Variants in ALMS1 observed in about 807,000 individuals in gnomAD.
ALMS1 encodes ALMS1 centrosome and basal body associated protein.
A neutral mutation model predicts 352.2 loss-of-function variants in ALMS1; 271 were observed. The observed-to-expected ratio is 0.77, with a 90% CI of 0.70 to 0.85. The LOEUF is 0.85. Among genes scored for constraint, ALMS1 ranks in the 40% least tolerant of loss-of-function variants. The probability of loss-of-function intolerance (pLI) is 0.00; values close to 1 mark genes in which losing one functional copy is unlikely to be tolerated. For synonymous variants in ALMS1, 1,865 were observed against 1,761.2 expected, an observed-to-expected ratio of 1.06 and a Z score of -1.48; for missense variants, 5,445 against 4,870.7, an observed-to-expected ratio of 1.12 and a Z score of -3.51.
At chr2:73,391,970 A>G (rs1670655602) in intron 1 of ALMS1, among the ~76,000 whole-genome samples, 1 of 152,108 alleles carries the variant, frequency 6.6e-6, no homozygotes, top group Non-Finnish European at 1.5e-5. Flanking sequence ...CTAGGAAATC[A>G]TTCTTTTCAG....
intron 12 of ALMS1, among the ~76,000 whole-genome samples, chr2:73,539,954 A>C (rs1160287163): frequency 1.3e-5 from 2 of 152,236 alleles, no homozygotes; most frequent in Non-Finnish European, 2.9e-5. Flanking sequence ...TCTGCAGGAT[A>C]TTATCCAGGA....
intron 1 of ALMS1, among the ~76,000 whole-genome samples, chr2:73,395,006 A>ATATATATGTG (rs1419841116): frequency 1.4e-5 from 2 of 145,218 alleles, no homozygotes; most frequent in African/African-American, 5.1e-5. Flanking sequence ...ATATATGTGT[A>ATATATATGTG]TATATATGTG....
intron 1 of ALMS1, among the ~76,000 whole-genome samples, chr2:73,398,061 C>T (rs1337441526): frequency 3.3e-5 from 5 of 152,198 alleles, no homozygotes; most frequent in Admixed American, 1.3e-4. Context: ...AACCCAAGGA[C>T]ATCTAGATTT....
At chr2:73,428,477 T>C (rs1671438628) in intron 6 of ALMS1, among the ~76,000 whole-genome samples, 1 of 152,190 alleles carries the variant, frequency 6.6e-6, no homozygotes, top group African/African-American at 2.4e-5. Context: ...TTGAGTTCAA[T>C]AACAATGAGA....
intron 11 of ALMS1, among the ~76,000 whole-genome samples, chr2:73,530,931 C>A (rs1214546814): frequency 1.3e-5 from 2 of 152,238 alleles, no homozygotes; most frequent in African/African-American, 4.8e-5. Context: ...GCACCAAGTC[C>A]CAAGGCTGTA....
chr2:73,449,206 A>G lies in ALMS1; in HGVS notation c.2679A>G (p.Pro893=), dbSNP rs17848881. 4 of 1,614,144 alleles carry G rather than the reference A, an allele frequency of 2.5e-6. No individual in the cohort carries two copies. The East Asian group carries it at 8.9e-5, about 36-fold the overall frequency. ...TGAAAGTATCAATTGTTCCTGGACC[A>G]GGTGATCAGAAGACTGGGATACCCT... ...EALKVSIVPG[P]GDQKTGIPSA... The change falls in exon 8 of 23, where the codon CCA becomes CCG. Residue 893 remains proline, a synonymous_variant. Transcript: ENST00000613296.
rs1275131068 is a variant in ALMS1 at position 73,451,057 on chromosome 2, C to T, written c.4530C>T (p.Gly1510=). Residue 1510 remains glycine, a synonymous_variant, in exon 8 of 23, where the codon GGC becomes GGT. Coordinates refer to ENST00000613296, the MANE Select transcript of ALMS1 (RefSeq NM_001378454.1). The part of the protein sequence containing the change: ...LKVSVAPGPV[G]QTTGAPTITS... ...TTTCAGTTGCTCCTGGACCAGTTGG[C>T]CAGACAACTGGCGCACCAACTATAA... 1.2e-6 allele frequency: 2 copies of T among 1,613,272 alleles called. No homozygotes were observed. The highest frequency in any genetic ancestry group is 1.7e-6 in the Non-Finnish European group (2 of 1,179,802).
At chr2:73,609,530 A>G in intron 22 of ALMS1, 38 bp from the exon 23 acceptor site, 3 of 1,609,050 alleles carry the variant, frequency 1.9e-6, no homozygotes, top group Admixed American at 1.7e-5. Context: ...GATGGCAGTA[A>G]TATCTAACTT....
At chr2:73,489,230 A>T (rs1292666230) in intron 9 of ALMS1, among the ~76,000 whole-genome samples, 1 of 152,198 alleles carries the variant, frequency 6.6e-6, no homozygotes, top group African/African-American at 2.4e-5. Context: ...TTCATATCCC[A>T]TTGGTGTCAG....
intron 13 of ALMS1, among the ~76,000 whole-genome samples, chr2:73,556,676 A>T (rs1370612922): frequency 2.0e-5 from 3 of 149,100 alleles, no homozygotes; most frequent in African/African-American, 7.4e-5. Context: ...TCAAACCATC[A>T]AGGAACAGAT....
chr2:73,395,072 A>ATTT lies in ALMS1; in HGVS notation c.324+8881_324+8882insTTT, dbSNP rs1558628491. Among the ~76,000 whole-genome samples, 14 of 107,614 alleles carry ATTT rather than the reference A, an allele frequency of 1.3e-4. 3 individuals carry two copies. The highest frequency in any genetic ancestry group is 2.7e-4 in the African/African-American group (6 of 22,248). The allele number at this position is 107,614 out of a possible 152,430, so 70.6% of individuals were successfully genotyped here. ...TATATATATATGTGTATATATATAT[A>ATTT]TATATATTTTTTTTTTTTTTTTTTT... is the stretch of plus-strand genomic sequence containing the variant. On this transcript the variant is annotated intron_variant, in intron 1 of 22. Transcript: ENST00000613296.
At chr2:73,486,651 C>A (rs1672854841) in intron 9 of ALMS1, among the ~76,000 whole-genome samples, 1 of 152,234 alleles carries the variant, frequency 6.6e-6, no homozygotes, top group Admixed American at 6.5e-5. Context: ...GTCCCTAGAT[C>A]TCTAGCTAAT....
At chr2:73,466,940 T>G (rs1380858903) in intron 9 of ALMS1, among the ~76,000 whole-genome samples, 1 of 152,146 alleles carries the variant, frequency 6.6e-6, no homozygotes, top group Non-Finnish European at 1.5e-5. Context: ...TACTTTAGCT[T>G]GATAACTATA....
At chr2:73,523,287 T>C (rs1483554016) in intron 11 of ALMS1, among the ~76,000 whole-genome samples, 6 of 152,238 alleles carry the variant, frequency 3.9e-5, no homozygotes, top group Non-Finnish European at 7.3e-5. Context: ...AGCATAGTTA[T>C]GGTCCATAAG....
intron 2 of ALMS1, among the ~76,000 whole-genome samples, chr2:73,410,872 A>G (rs746707238): frequency 7.2e-5 from 11 of 152,090 alleles, no homozygotes; most frequent in East Asian, 1.9e-4. Context: ...GATTTCTCCT[A>G]TTACCTTCAG....
intron 11 of ALMS1, among the ~76,000 whole-genome samples, chr2:73,520,643 C>A (rs1673657308): frequency 6.6e-6 from 1 of 152,108 alleles, no homozygotes; most frequent in South Asian, 2.1e-4. Context: ...TGGAAGTAAC[C>A]CAAATCACTT....
chr2:73,405,693 G>A (rs1670959082), intron 1 of ALMS1, among the ~76,000 whole-genome samples: 1 of 151,004 alleles, frequency 6.6e-6, no homozygotes, highest in African/African-American at 2.4e-5. Context: ...TTAAATATAG[G>A]CATTTACGAC....
At chr2:73,496,739 A>C (rs1673116404) in intron 10 of ALMS1, among the ~76,000 whole-genome samples, 1 of 152,184 alleles carries the variant, frequency 6.6e-6, no homozygotes, top group African/African-American at 2.4e-5. Context: ...ATCCTCACCG[A>C]TGTGTAAATT....
At chr2:73,460,312 T>C (rs1450737106) in intron 9 of ALMS1, among the ~76,000 whole-genome samples, 3 of 152,222 alleles carry the variant, frequency 2.0e-5, no homozygotes, top group African/African-American at 7.2e-5. Context: ...GGTGATATAT[T>C]AGGATGATAC....
Sources: allele counts gnomAD v4.1 joint callset (sites outside exome capture counted in the v4.1 genomes callset), GRCh38; gene constraint gnomAD v4.1.1; transcripts MANE v1.5; gene names NCBI Gene and HGNC (gene_info 2026-07-23, HGNC 2026-07-21).